Variants in EIF4H observed in about 807,000 individuals in gnomAD.
EIF4H encodes eukaryotic translation initiation factor 4H, also known as Williams-Beuren syndrome chromosome region 1.
A neutral mutation model predicts 30.6 loss-of-function variants in EIF4H; 8 were observed. The ratio of observed to expected loss-of-function variants is 0.26; its 90% CI spans 0.15 to 0.47. The LOEUF is 0.47. Among genes scored for constraint, EIF4H ranks in the 20% least tolerant of loss-of-function variants. The probability of loss-of-function intolerance (pLI) is 0.99; values close to 1 mark genes in which losing one functional copy is unlikely to be tolerated. For missense variants in EIF4H, 188 were observed against 339.5 expected, an observed-to-expected ratio of 0.55 and a Z score of 3.51; for synonymous variants, 106 against 122.7, an observed-to-expected ratio of 0.86 and a Z score of 0.90.
At position 74,195,224 on chromosome 7, in the gene EIF4H, C is replaced by T. The variant is rs1801316967; in HGVS notation, c.663C>T (p.Pro221=). 6.2e-7 allele frequency: 1 copy of T among 1,614,018 alleles called. No homozygotes were observed. The highest frequency in any genetic ancestry group is 8.5e-7 in the Non-Finnish European group (1 of 1,179,884). The change falls in exon 7 of 7, where the codon CCC becomes CCT. Residue 221 remains proline (P), a synonymous_variant. Coordinates refer to ENST00000265753, the MANE Select transcript of EIF4H (RefSeq NM_022170.2). The part of the protein sequence containing the change: ...LQLKPRTVAT[P]LNQVANPNSA... ...TTAAACCTCGAACAGTCGCGACGCC[C>T]CTCAATCAAGTAGCCAATCCCAACT...
At chr7:74,174,654 G>T (rs578082637) in intron 1 of EIF4H, among the ~76,000 whole-genome samples, 2 of 150,914 alleles carry the variant, frequency 1.3e-5, no homozygotes, top group Non-Finnish European at 3.0e-5. Flanking sequence ...CTTGCGGGGC[G>T]GATCCCTTCC....
At chr7:74,179,657 A>G (rs1217347577) in intron 1 of EIF4H, among the ~76,000 whole-genome samples, 1 of 145,660 alleles carries the variant, frequency 6.9e-6, no homozygotes, top group Non-Finnish European at 1.5e-5. Flanking sequence ...AAGTCACTTT[A>G]TCTTGTACTC....
intron 1 of EIF4H, among the ~76,000 whole-genome samples, chr7:74,182,964 A>C (rs782620800): frequency 6.6e-6 from 1 of 152,102 alleles, no homozygotes; most frequent in East Asian, 1.9e-4. Flanking sequence ...TCTCATTGCT[A>C]TCTTCCAGAT....
At chr7:74,187,852 G>A in intron 2 of EIF4H, 54 bp downstream of exon 2, 1 of 1,415,608 alleles carries the variant, frequency 7.1e-7, no homozygotes, top group Non-Finnish European at 9.3e-7. Context: ...GGGAGGATGG[G>A]AAGGGGTTCT....
At chr7:74,190,049 T>A in intron 4 of EIF4H, 131 bp downstream of exon 4, 4 of 1,234,002 alleles carry the variant, frequency 3.2e-6, no homozygotes, top group Non-Finnish European at 4.4e-6. Context: ...CTTAAAAGTT[T>A]GCGTAAAATC....
chr7:74,184,137 C>T (rs1454815267), intron 1 of EIF4H, among the ~76,000 whole-genome samples: 1 of 152,078 alleles, frequency 6.6e-6, no homozygotes, highest in Non-Finnish European at 1.5e-5. Flanking sequence ...GGTAACGTGC[C>T]AACTTTTCAA....
intron 5 of EIF4H, 41 bp from the exon 6 acceptor site, chr7:74,194,700 G>C: frequency 6.5e-7 from 1 of 1,527,460 alleles, no homozygotes; most frequent in Non-Finnish European, 8.8e-7. Flanking sequence ...GCTTGGAGAC[G>C]ATAGTTTGAA....
chr7:74,177,908 C>A (rs1027837584), intron 1 of EIF4H, among the ~76,000 whole-genome samples: 6 of 152,166 alleles, frequency 3.9e-5, no homozygotes, highest in Non-Finnish European at 5.9e-5. Context: ...TTCTTCACCT[C>A]TCTGAGCCTC....
At chr7:74,192,501 A>G (rs190431877) in intron 5 of EIF4H, among the ~76,000 whole-genome samples, 287 of 152,118 alleles carry the variant, frequency 1.9e-3, no homozygotes, top group African/African-American at 6.3e-3. Context: ...GCCACCTTTA[A>G]AGAATAGAAA....
At chr7:74,187,820 T>C in intron 2 of EIF4H, 22 bp downstream of exon 2, 2 of 1,564,836 alleles carry the variant, frequency 1.3e-6, no homozygotes, top group Non-Finnish European at 1.7e-6. Context: ...GGATTCTTAT[T>C]GTATATTACT....
rs572635003 is a variant in EIF4H at position 74,195,380 on chromosome 7, C to T, written c.*72C>T. ...ACAGCCTGGTGAGTCCCCGGGCAGC[C>T]GTCCTGCAGCCGCCACTCCTGCGCC... is the stretch of plus-strand genomic sequence containing the variant. On this transcript the variant is annotated 3_prime_UTR_variant, in exon 7 of 7. Coordinates refer to ENST00000265753, the MANE Select transcript of EIF4H (RefSeq NM_022170.2). The T allele has an allele frequency of 1.8e-5, 26 of 1,451,466 alleles. No homozygotes were observed. Among genetic ancestry groups the T allele is most frequent in the South Asian group, 5.7e-5 (4 of 69,736 alleles). The allele number at this position is 1,451,466 out of a possible 1,614,324, so 89.9% of individuals were successfully genotyped here.
chr7:74,175,122 G>T (rs1554707486), intron 1 of EIF4H, among the ~76,000 whole-genome samples: 1 of 152,176 alleles, frequency 6.6e-6, no homozygotes, highest in Non-Finnish European at 1.5e-5. Context: ...ATTTCTCCTT[G>T]GTTTCTCGCT....
At chr7:74,179,069 C>T (rs1306814128) in intron 1 of EIF4H, among the ~76,000 whole-genome samples, 1 of 152,158 alleles carries the variant, frequency 6.6e-6, no homozygotes, top group African/African-American at 2.4e-5. Context: ...ATTTTTGGAG[C>T]CTTCTAAATG....
chr7:74,188,556 ACT>A (rs781861670), intron 2 of EIF4H, among the ~76,000 whole-genome samples: 2 of 152,006 alleles, frequency 1.3e-5, no homozygotes, highest in Non-Finnish European at 2.9e-5. Context: ...TGTCGGTGGC[ACT>A]CTTACTCTTT....
chr7:74,190,325 T>C lies in EIF4H; in HGVS notation c.469+19T>C. On this transcript the variant is annotated intron_variant, in intron 5 of 6. Coordinates refer to ENST00000265753, the MANE Select transcript of EIF4H (RefSeq NM_022170.2). ...AATTCTGGTATCAGTATTTAAAGTA[T>C]CACCACTTAATTTTTCCTAGGAGCC... 2 of 1,613,334 alleles carry C rather than the reference T, an allele frequency of 1.2e-6. No individual in the cohort carries two copies. Among genetic ancestry groups the C allele is most frequent in the Non-Finnish European group, 1.7e-6 (2 of 1,179,256 alleles).
chr7:74,194,630 G>C, intron 5 of EIF4H, 111 bp from the exon 6 acceptor site: 2 of 1,414,178 alleles, frequency 1.4e-6, no homozygotes, highest in Non-Finnish European at 1.9e-6. Context: ...TCAGATAGTG[G>C]ACAAACTAAA....
intron 1 of EIF4H, among the ~76,000 whole-genome samples, chr7:74,177,639 A>G (rs1554707859): frequency 6.6e-6 from 1 of 152,254 alleles, no homozygotes; most frequent in Admixed American, 6.5e-5. Context: ...TAGGGCCTGT[A>G]AAGCTATTGA....
intron 1 of EIF4H, 81 bp from the exon 2 acceptor site, chr7:74,187,530 G>T: frequency 1.5e-6 from 2 of 1,368,226 alleles, no homozygotes; most frequent in East Asian, 2.6e-5. Context: ...CGCTGGCGGC[G>T]TAGCTCAGCG....
chr7:74,195,861 C>T lies in EIF4H; in HGVS notation c.*553C>T, dbSNP rs1341611642. On this transcript the variant is annotated 3_prime_UTR_variant, in exon 7 of 7. Transcript: ENST00000265753. ...GATGGATATAGAGAATCAGAGGCACCTTGTTTTCACAACTAGGATAAAAAT... is the reference window on the plus strand; with the variant it reads ...GATGGATATAGAGAATCAGAGGCACTTTGTTTTCACAACTAGGATAAAAAT... 1 of 154,442 alleles carries T rather than the reference C, an allele frequency of 6.5e-6. No individual in the cohort carries two copies. Among genetic ancestry groups the T allele is most frequent in the Non-Finnish European group, 1.5e-5 (1 of 68,080 alleles). 9.6% of individuals were successfully genotyped at this position (154,442 alleles called of 1,614,324 possible).
Sources: gnomAD v4.1 joint callset for allele counts (sites outside exome capture counted in the v4.1 genomes callset) on GRCh38, gnomAD v4.1.1 for gene constraint, MANE v1.5 for transcripts, NCBI Gene and HGNC (gene_info 2026-07-23, HGNC 2026-07-21) for gene names.